SUMF1: variants seen among roughly 807,000 people sequenced by gnomAD.
SUMF1 encodes sulfatase modifying factor 1, also known as formylglycine-generating enzyme.
Under a neutral mutation model 47.6 loss-of-function variants are expected in SUMF1, and 48 were observed. The ratio of observed to expected loss-of-function variants is 1.01; its 90% confidence interval spans 0.80 to 1.28. The LOEUF is 1.28. Ranked by LOEUF, SUMF1 falls within the 50% of genes most tolerant of loss-of-function variation. The pLI is 0.00. For missense variants in SUMF1, 571 were observed against 485.4 expected (o/e 1.18, Z -1.66); for synonymous variants, 230 against 192.1 (o/e 1.20, Z -1.63).
At chr3:4,082,750 G>C (rs184049154) in intron 8 of SUMF1, among the ~76,000 whole-genome samples, 1 of 152,076 alleles carries the variant, frequency 6.6e-6, no homozygotes, top group Non-Finnish European at 1.5e-5. Flanking sequence ...AAGAGAGAAA[G>C]AGAGATTACA....
intron 8 of SUMF1, among the ~76,000 whole-genome samples, chr3:4,099,489 C>A (rs1193944800): frequency 6.6e-6 from 1 of 151,994 alleles, no homozygotes; most frequent in African/African-American, 2.4e-5. Flanking sequence ...ATATGACAAG[C>A]CTACAGCTAA....
At chr3:4,273,216 T>C (rs1223988600) in intron 8 of SUMF1, among the ~76,000 whole-genome samples, 2 of 151,612 alleles carry the variant, frequency 1.3e-5, no homozygotes, top group South Asian at 4.1e-4. Flanking sequence ...CACAAACACA[T>C]ACACAGGAAT....
At chr3:4,129,904 G>A (rs1268969468) in intron 8 of SUMF1, among the ~76,000 whole-genome samples, 1 of 152,066 alleles carries the variant, frequency 6.6e-6, no homozygotes, top group Non-Finnish European at 1.5e-5. Flanking sequence ...TGCATAATTG[G>A]CACAAACATA....
chr3:4,116,753 ATAAG>A lies in SUMF1; in HGVS notation c.1015-48012_1015-48009del, dbSNP rs138131440. Among the ~76,000 whole-genome samples, 1,000 of 152,212 alleles carry A rather than the reference ATAAG, an allele frequency of 6.6e-3. 24 individuals are homozygous for A. Among genetic ancestry groups the A allele is most frequent in the African/African-American group, 0.023 (958 of 41,506 alleles). ...TTCAGTATAGGGTATCGTGCTGAAAATAAGTACTAAACAACTATTTACTTCTCAC... is the reference window on the plus strand; with the variant it reads ...TTCAGTATAGGGTATCGTGCTGAAAATACTAAACAACTATTTACTTCTCAC... On this transcript the variant is annotated intron_variant and NMD_transcript_variant, in intron 8 of 12. Coordinates refer to the SUMF1 transcript ENST00000448413.
intron 3 of SUMF1, among the ~76,000 whole-genome samples, chr3:4,439,304 G>A (rs1226462277): frequency 2.6e-5 from 4 of 151,938 alleles, no homozygotes; most frequent in African/African-American, 9.7e-5. Flanking sequence ...CAGGCGGATC[G>A]CTTGAACTCA....
chr3:4,060,292 G>C (rs1048680100), intron 9 of SUMF1, among the ~76,000 whole-genome samples: 1 of 152,162 alleles, frequency 6.6e-6, no homozygotes, highest in African/African-American at 2.4e-5. Flanking sequence ...TCCATGTCTG[G>C]CCTGCCAGGG....
intron 8 of SUMF1, among the ~76,000 whole-genome samples, chr3:4,206,178 A>G (rs1174671144): frequency 6.6e-6 from 1 of 151,284 alleles, no homozygotes; most frequent in Non-Finnish European, 1.5e-5. Context: ...CCTTTCCTCA[A>G]GCAGAAGAAG....
chr3:4,211,493 AAG>A (rs1695792998), intron 8 of SUMF1, among the ~76,000 whole-genome samples: 1 of 151,926 alleles, frequency 6.6e-6, no homozygotes, highest in Admixed American at 6.6e-5. Context: ...GTAAACATGA[AAG>A]AGAAAATAAT....
intron 8 of SUMF1, among the ~76,000 whole-genome samples, chr3:4,230,245 A>G (rs951483828): frequency 3.9e-5 from 6 of 152,028 alleles, no homozygotes; most frequent in Admixed American, 6.6e-5. Flanking sequence ...TTCTGACACT[A>G]ACTACTCAGA....
intron 9 of SUMF1, among the ~76,000 whole-genome samples, chr3:4,038,373 G>A (rs995924832): frequency 2.6e-5 from 4 of 152,124 alleles, no homozygotes; most frequent in East Asian, 1.9e-4. Context: ...CCCATAGGTC[G>A]ACTGCAGCTT....
intron 7 of SUMF1, among the ~76,000 whole-genome samples, chr3:4,387,928 A>G (rs1700726572): frequency 6.6e-6 from 1 of 152,044 alleles, no homozygotes; most frequent in Admixed American, 6.6e-5. Flanking sequence ...TTGTGGTTGG[A>G]GAACACATTC....
intron 8 of SUMF1, among the ~76,000 whole-genome samples, chr3:4,140,006 G>A (rs1282127441): frequency 6.6e-6 from 1 of 151,976 alleles, no homozygotes; most frequent in Non-Finnish European, 1.5e-5. Context: ...AAAATAAGGA[G>A]ATTATAAATG....
chr3:4,324,671 CAT>C (rs1175401784), intron 8 of SUMF1, among the ~76,000 whole-genome samples: 3 of 152,048 alleles, frequency 2.0e-5, no homozygotes, highest in Non-Finnish European at 4.4e-5. Context: ...ATGAAGTAAA[CAT>C]GTGAAAAGAG....
chr3:4,069,505 T>C (rs1695466170), intron 8 of SUMF1, among the ~76,000 whole-genome samples: 2 of 152,154 alleles, frequency 1.3e-5, no homozygotes, highest in African/African-American at 2.4e-5. Flanking sequence ...ACAGGTAACA[T>C]GCAATCTATG....
chr3:4,356,393 G>T (rs1175258063), downstream of SUMF1, among the ~76,000 whole-genome samples: 1 of 152,072 alleles, frequency 6.6e-6, no homozygotes, highest in Non-Finnish European at 1.5e-5. Context: ...GATCACCGAT[G>T]GCTGTTAAAT....
intron 8 of SUMF1, among the ~76,000 whole-genome samples, chr3:4,192,083 G>A (rs1327870368): frequency 2.0e-5 from 3 of 152,120 alleles, no homozygotes; most frequent in African/African-American, 7.2e-5. Context: ...TGAAAGGCAG[G>A]AGGTACACAA....
At chr3:4,432,973 C>A (rs553265592) in intron 3 of SUMF1, among the ~76,000 whole-genome samples, 2 of 152,314 alleles carry the variant, frequency 1.3e-5, no homozygotes, top group Non-Finnish European at 2.9e-5. Context: ...TTTAAATAGT[C>A]TTTCAGTGGG....
chr3:4,177,127 C>A (rs2587946), intron 8 of SUMF1, among the ~76,000 whole-genome samples: 82,569 of 151,936 alleles, frequency 0.54, 22,646 homozygotes, highest in Middle Eastern at 0.59. Context: ...TTAGACAGAT[C>A]AGTGGGACAG....
chr3:4,313,637 C>T, intron 8 of SUMF1: 1 of 1,614,042 alleles, frequency 6.2e-7, no homozygotes, highest in Non-Finnish European at 8.5e-7. Context: ...GCTTTCCTGC[C>T]TTTTGACAGT....
Sources: allele counts gnomAD v4.1 joint callset (sites outside exome capture counted in the v4.1 genomes callset), GRCh38; gene constraint gnomAD v4.1.1; transcripts MANE v1.5; gene names NCBI Gene and HGNC (gene_info 2026-07-23, HGNC 2026-07-21).